CCDC171: variants seen among roughly 807,000 people sequenced by gnomAD.
The protein encoded by CCDC171 is coiled-coil domain-containing protein 171.
Under a neutral mutation model 168.2 loss-of-function variants are expected in CCDC171, and 177 were observed. The ratio of observed to expected loss-of-function variants is 1.05; its 90% CI spans 0.93 to 1.19. The LOEUF (loss-of-function observed/expected upper bound fraction) is 1.19, where lower values mean the gene tolerates loss of function less well. CCDC171 is among the 50% of genes most tolerant of loss of function. The pLI is 0.00. For missense variants in CCDC171, 1,991 were observed against 1,539.0 expected, an observed-to-expected ratio of 1.29 and a Z score of -4.91; for synonymous variants, 687 against 540.8, an observed-to-expected ratio of 1.27 and a Z score of -3.75.
intron 24 of CCDC171, among the ~76,000 whole-genome samples, chr9:15,897,692 A>G (rs1821093782): frequency 6.6e-6 from 1 of 152,170 alleles, no homozygotes; most frequent in African/African-American, 2.4e-5. Flanking sequence ...AATAAAGGAG[A>G]GAACATGGAT....
intron 6 of CCDC171, among the ~76,000 whole-genome samples, chr9:15,616,127 C>T (rs556085110): frequency 6.6e-6 from 1 of 151,954 alleles, no homozygotes; most frequent in East Asian, 1.9e-4. Flanking sequence ...ATTTTTTGTA[C>T]TTTTAGTAGA....
chr9:15,640,920 C>T (rs1408106336), intron 7 of CCDC171, among the ~76,000 whole-genome samples: 1 of 151,962 alleles, frequency 6.6e-6, no homozygotes, highest in African/African-American at 2.4e-5. Flanking sequence ...AAGTGTGCCC[C>T]CCTTCCCTGC....
chr9:15,994,045 C>T (rs911802566), intron 3 of CCDC171, among the ~76,000 whole-genome samples: 1 of 152,108 alleles, frequency 6.6e-6, no homozygotes, highest in Non-Finnish European at 1.5e-5. Flanking sequence ...CTTCAAGAAT[C>T]GAGAACTAGA....
chr9:16,060,434 A>C (rs2987094), intron 1 of CCDC171, among the ~76,000 whole-genome samples: 37,640 of 152,184 alleles, frequency 0.25, 5,337 homozygotes, highest in African/African-American at 0.38. Flanking sequence ...GGGCAATAAC[A>C]TGATCCTCAT....
intron 25 of CCDC171, among the ~76,000 whole-genome samples, chr9:15,931,456 C>CTTTT (rs57124025): frequency 0.016 from 700 of 44,716 alleles, no homozygotes; most frequent in East Asian, 0.024. Context: ...TTCTTTCTTT[C>CTTTT]TTTTTTTTTT....
chr9:15,861,758 A>T (rs1428854189), intron 23 of CCDC171, among the ~76,000 whole-genome samples: 15 of 152,022 alleles, frequency 9.9e-5, no homozygotes, highest in African/African-American at 3.4e-4. Context: ...TAACTTTTAC[A>T]TTAGAAATAA....
chr9:16,075,714 CCTT>C, the CCDC171 span, among the ~76,000 whole-genome samples: 1 of 152,126 alleles, frequency 6.6e-6, no homozygotes, highest in East Asian at 1.9e-4. Context: ...TCGGGATCCT[CCTT>C]TAAATGCTCT....
At chr9:15,893,921 C>T (rs1259203884) in intron 24 of CCDC171, among the ~76,000 whole-genome samples, 2 of 152,168 alleles carry the variant, frequency 1.3e-5, no homozygotes, top group Admixed American at 6.6e-5. Context: ...AATCCCATTA[C>T]TGGGTATATA....
intron 21 of CCDC171, among the ~76,000 whole-genome samples, chr9:15,798,105 CT>C (rs959451880): frequency 6.6e-6 from 1 of 151,942 alleles, no homozygotes. Context: ...TAACTTTGCT[CT>C]TTTTTTGGAA....
intron 25 of CCDC171, among the ~76,000 whole-genome samples, chr9:15,944,504 A>T (rs1202466631): frequency 6.6e-6 from 1 of 152,024 alleles, no homozygotes; most frequent in Non-Finnish European, 1.5e-5. Flanking sequence ...GTGTTAATGT[A>T]TTCAATACTT....
chr9:16,007,133 A>G (rs1418922208), intron 3 of CCDC171, among the ~76,000 whole-genome samples: 11 of 152,302 alleles, frequency 7.2e-5, no homozygotes, highest in South Asian at 4.1e-4. Flanking sequence ...TCTAACTGCT[A>G]TGAGATGGTA....
chr9:15,563,714 C>G (rs1428387765), intron 1 of CCDC171, among the ~76,000 whole-genome samples: 1 of 152,098 alleles, frequency 6.6e-6, no homozygotes, highest in Non-Finnish European at 1.5e-5. Context: ...GTTCAGTCAG[C>G]CACGTGAATC....
the CCDC171 span, among the ~76,000 whole-genome samples, chr9:16,082,884 G>C: frequency 6.6e-6 from 1 of 152,146 alleles, no homozygotes; most frequent in Non-Finnish European, 1.5e-5. Context: ...TTCAAATCAA[G>C]CTGACATTTA....
At chr9:15,694,123 C>T (rs1322670165) in intron 10 of CCDC171, among the ~76,000 whole-genome samples, 1 of 152,230 alleles carries the variant, frequency 6.6e-6, no homozygotes, top group East Asian at 1.9e-4. Context: ...TCTTGTATCC[C>T]CTTCTGTTTT....
At chr9:16,022,632 C>A (rs551792383) in intron 5 of CCDC171, 1 of 152,382 alleles carries the variant, frequency 6.6e-6, no homozygotes, top group East Asian at 1.9e-4. Flanking sequence ...TATATTCCCT[C>A]TAAGTGGGCA....
intron 18 of CCDC171, among the ~76,000 whole-genome samples, chr9:15,770,314 A>G (rs1050605854): frequency 7.2e-5 from 11 of 152,322 alleles, no homozygotes; most frequent in South Asian, 6.2e-4. Flanking sequence ...ATCTTTATCT[A>G]TATTTGAAAT....
intron 10 of CCDC171, among the ~76,000 whole-genome samples, chr9:15,682,486 G>A (rs1371443706): frequency 6.6e-6 from 1 of 151,728 alleles, no homozygotes. Context: ...CAAAATAATT[G>A]TATTAATACA....
At chr9:15,632,478 C>A (rs1307267331) in intron 7 of CCDC171, among the ~76,000 whole-genome samples, 4 of 151,582 alleles carry the variant, frequency 2.6e-5, no homozygotes, top group African/African-American at 9.8e-5. Flanking sequence ...TGTGAAGGAC[C>A]TCTTCAAGGA....
At chr9:16,016,852 A>G (rs1337733588) in intron 3 of CCDC171, among the ~76,000 whole-genome samples, 1 of 152,236 alleles carries the variant, frequency 6.6e-6, no homozygotes, top group Non-Finnish European at 1.5e-5. Flanking sequence ...CTAGGAGTAA[A>G]AATTAGTGTT....
Sources: allele counts gnomAD v4.1 joint callset (sites outside exome capture counted in the v4.1 genomes callset), GRCh38; gene constraint gnomAD v4.1.1; transcripts MANE v1.5; gene names NCBI Gene and HGNC (gene_info 2026-07-23, HGNC 2026-07-21).